Variants in ATG3 observed in about 807,000 individuals in gnomAD.
The protein encoded by ATG3 is ubiquitin-like-conjugating enzyme ATG3.
A neutral mutation model predicts 50.7 loss-of-function variants in ATG3; 25 were observed. The observed-to-expected ratio is 0.49, with a 90% CI of 0.36 to 0.69. ATG3 has a LOEUF of 0.69. ATG3 is among the 30% of genes least tolerant of loss of function. The probability of loss-of-function intolerance (pLI) is 0.00; values close to 1 mark genes in which losing one functional copy is unlikely to be tolerated. For missense variants in ATG3, 281 were observed against 376.0 expected, an observed-to-expected ratio of 0.75 and a Z score of 2.09; for synonymous variants, 119 against 125.5, an observed-to-expected ratio of 0.95 and a Z score of 0.34.
chr3:112,548,479 A>G, intron 5 of ATG3, 54 bp downstream of exon 5: 1 of 1,401,512 alleles, frequency 7.1e-7, no homozygotes, highest in Non-Finnish European at 1.0e-6. Context: ...ATTATAAAAG[A>G]TTGTGAAAGA....
At chr3:112,534,211 CAA>C in intron 11 of ATG3, 56 bp downstream of exon 11, 1 of 1,258,604 alleles carries the variant, frequency 7.9e-7, no homozygotes, top group South Asian at 1.5e-5. Context: ...CTAAATTTCT[CAA>C]AAAAAAAATC....
At chr3:112,537,687 C>A in intron 9 of ATG3, 48 bp downstream of exon 9, 4 of 1,403,272 alleles carry the variant, frequency 2.9e-6, no homozygotes, top group South Asian at 1.5e-5. Flanking sequence ...AATTAAAACC[C>A]AACAATTTAA....
At chr3:112,533,844 A>G (rs1467735463) in intron 11 of ATG3, 2 of 989,588 alleles carry the variant, frequency 2.0e-6, no homozygotes, top group Non-Finnish European at 2.4e-6. Context: ...TATCTAAAGC[A>G]CTTCACGTAG....
intron 6 of ATG3, among the ~76,000 whole-genome samples, chr3:112,543,712 TA>T (rs1933293505): frequency 6.6e-6 from 1 of 152,336 alleles, no homozygotes; most frequent in East Asian, 1.9e-4. Context: ...CATTTGGTAC[TA>T]AATACATTTT....
Position 112,561,620 on chromosome 3 carries a change from C to T in ATG3, c.-92G>A, listed in dbSNP as rs764064511. On this transcript the variant is annotated 5_prime_UTR_variant, in exon 1 of 12. Transcript: ENST00000283290. Reference sequence around the variant, plus strand: ...AGTCAGAAAATGTCCTCGCTGCCACCGACTCGCATCAGCACCCGGCTGGCA... The same window carrying T: ...AGTCAGAAAATGTCCTCGCTGCCACTGACTCGCATCAGCACCCGGCTGGCA... The T allele has an allele frequency of 1.5e-6, 2 of 1,313,242 alleles. No homozygotes were observed. The highest frequency in any genetic ancestry group is 2.1e-6 in the Non-Finnish European group (2 of 946,718). The allele number at this position is 1,313,242 out of a possible 1,614,324, so 81.3% of individuals were successfully genotyped here.
rs564643544 is a variant in ATG3, at chr3:112,540,266, C to T, written c.475+1537G>A. Reference sequence around the variant, plus strand: ...GGGGAATTGAAAGTAATTTTGAAAACAAACAGAAAGGTACTTTTGATCTAG... The same window carrying T: ...GGGGAATTGAAAGTAATTTTGAAAATAAACAGAAAGGTACTTTTGATCTAG... On this transcript the variant is annotated intron_variant, in intron 7 of 11. Coordinates refer to ENST00000283290, the MANE Select transcript of ATG3 (RefSeq NM_022488.5). Among the ~76,000 whole-genome samples the T allele has an allele frequency of 2.0e-5, 3 of 152,284 alleles. No homozygotes were observed. The South Asian group carries it at 6.2e-4, about 32-fold the overall frequency.
intron 4 of ATG3, among the ~76,000 whole-genome samples, chr3:112,549,787 C>A: frequency 1.0e-5 from 1 of 96,928 alleles, no homozygotes; most frequent in Non-Finnish European, 1.9e-5. Flanking sequence ...GAGACTCTGT[C>A]TCAAAACAAC....
intron 7 of ATG3, among the ~76,000 whole-genome samples, chr3:112,538,678 C>T (rs1181170722): frequency 6.6e-6 from 1 of 152,142 alleles, no homozygotes; most frequent in Non-Finnish European, 1.5e-5. Context: ...TAAAAAGAAC[C>T]ATAAAATCAA....
At chr3:112,556,035 G>A (rs1156894210) in intron 2 of ATG3, among the ~76,000 whole-genome samples, 6 of 152,140 alleles carry the variant, frequency 3.9e-5, no homozygotes, top group East Asian at 3.9e-4. Context: ...TTTCATCTCC[G>A]CTCTTGATTT....
intron 5 of ATG3, among the ~76,000 whole-genome samples, chr3:112,544,916 A>T (rs974823640): frequency 6.6e-6 from 1 of 152,126 alleles, no homozygotes; most frequent in Admixed American, 6.5e-5. Context: ...TTTGAGCATC[A>T]TATCAGTGCT....
chr3:112,532,705 T>C lies in ATG3; in HGVS notation c.939A>G (p.Thr313=). Reference sequence around the variant, plus strand: ...AGATTTTATGCTCTCTTCATTACATTGTGAAGTGTCTTGTGTAGTCATATT... The same window carrying C: ...AGATTTTATGCTCTCTTCATTACATCGTGAAGTGTCTTGTGTAGTCATATT... ...TIEYDYTRHF[T]M Residue 313 remains threonine (T), a synonymous_variant, in exon 12 of 12, where the codon ACA becomes ACG. Coordinates refer to ENST00000283290, the MANE Select transcript of ATG3 (RefSeq NM_022488.5). The C allele has an allele frequency of 1.3e-6, 2 of 1,584,122 alleles. No individual in the cohort carries two copies. The highest frequency in any genetic ancestry group is 1.4e-5 in the African/African-American group (1 of 73,870).
chr3:112,547,515 T>A (rs1933400776), intron 5 of ATG3, among the ~76,000 whole-genome samples: 1 of 152,242 alleles, frequency 6.6e-6, no homozygotes, highest in Non-Finnish European at 1.5e-5. Flanking sequence ...GAGCACATTT[T>A]CTTCATCAAA....
chr3:112,550,651 CTTG>C (rs1405943350), intron 3 of ATG3, among the ~76,000 whole-genome samples: 7 of 152,146 alleles, frequency 4.6e-5, no homozygotes, highest in African/African-American at 1.4e-4. Flanking sequence ...TGCTGCTCAT[CTTG>C]AGAACAAGAA....
At chr3:112,538,513 T>C (rs1006047653) in intron 7 of ATG3, among the ~76,000 whole-genome samples, 3 of 152,240 alleles carry the variant, frequency 2.0e-5, no homozygotes, top group South Asian at 2.1e-4. Context: ...TTCATCTTAA[T>C]TGACCTATCA....
rs779294849 is a variant in ATG3, at chr3:112,548,645, A to T, written c.236-5T>A. 1.9e-6 allele frequency: 3 copies of T among 1,586,762 alleles called. No homozygotes were observed. Among genetic ancestry groups the T allele is most frequent in the Admixed American group, 1.7e-5 (1 of 59,560 alleles). On this transcript the variant is annotated splice_polypyrimidine_tract_variant and splice_region_variant and intron_variant, in intron 4 of 11. Coordinates refer to ENST00000283290, the MANE Select transcript of ATG3 (RefSeq NM_022488.5). ...TGCACCGCTTATAGCACGGCACTAT[A>T]AAAAAAATGGTAAATACAGTTAACT...
rs567839558 is a variant in ATG3, at chr3:112,535,239, T to C, written c.795-902A>G. On this transcript the variant is annotated intron_variant, in intron 10 of 11. Transcript: ENST00000283290. Reference sequence around the variant, plus strand: ...TGACAGAGACAGTCAACTTAGAATATGAGAGTAAATGTATGATTCCAGAGG... The same window carrying C: ...TGACAGAGACAGTCAACTTAGAATACGAGAGTAAATGTATGATTCCAGAGG... The C allele has an allele frequency of 3.9e-5, 6 of 152,290 alleles. No homozygotes were observed. In the East Asian group the frequency reaches 1.2e-3, roughly 29 times the overall value. The allele number at this position is 152,290 out of a possible 1,614,324, so 9.4% of individuals were successfully genotyped here. A position where few individuals can be genotyped will look rare whatever the true frequency, so the allele number is the denominator to read the frequency against.
intron 4 of ATG3, 117 bp from the exon 5 acceptor site, chr3:112,548,757 T>A (rs1362204434): frequency 3.9e-6 from 3 of 778,290 alleles, no homozygotes; most frequent in Non-Finnish European, 6.4e-6. Flanking sequence ...AAGTACTAAG[T>A]GAATATTTCA....
intron 2 of ATG3, among the ~76,000 whole-genome samples, chr3:112,554,629 C>T (rs964993217): frequency 9.9e-5 from 15 of 152,246 alleles, no homozygotes; most frequent in African/African-American, 3.6e-4. Flanking sequence ...ATGTGACACC[C>T]ACATACTTGC....
chr3:112,551,887 C>CA (rs1429231582), intron 3 of ATG3, among the ~76,000 whole-genome samples: 1 of 151,592 alleles, frequency 6.6e-6, no homozygotes, highest in African/African-American at 2.4e-5. Context: ...AAATATGGAA[C>CA]AAAAAACACA....
Sources: gnomAD v4.1 joint callset for allele counts (sites outside exome capture counted in the v4.1 genomes callset) on GRCh38, gnomAD v4.1.1 for gene constraint, MANE v1.5 for transcripts, NCBI Gene and HGNC (gene_info 2026-07-23, HGNC 2026-07-21) for gene names.